The following KDM4C variants were observed in gnomAD, a reference collection of about 807,000 sequenced individuals.
KDM4C encodes lysine demethylase 4C.
KDM4C carries 81 observed loss-of-function variants against 129.3 expected under a neutral mutation model. The observed-to-expected ratio is 0.63, with a 90% CI of 0.52 to 0.75. The LOEUF is 0.75. KDM4C is among the 30% of genes least tolerant of loss of function. The pLI, the probability that KDM4C is intolerant of heterozygous loss-of-function variation, is 0.00. For missense variants in KDM4C, 1,457 were observed against 1,304.0 expected, an observed-to-expected ratio of 1.12 and a Z score of -1.81; for synonymous variants, 573 against 456.1, an observed-to-expected ratio of 1.26 and a Z score of -3.26.
intron 8 of KDM4C, among the ~76,000 whole-genome samples, chr9:6,976,126 G>A (rs1832874620): frequency 6.6e-6 from 1 of 152,162 alleles, no homozygotes; most frequent in South Asian, 2.1e-4. Context: ...ACAGATCTAT[G>A]TGATTATGAG....
intron 17 of KDM4C, chr9:7,077,019 C>T (rs1398037864): frequency 3.1e-5 from 31 of 985,482 alleles, no homozygotes; most frequent in East Asian, 1.1e-4. Context: ...TGAATCCTTC[C>T]TTCTTGCTGC....
At chr9:7,112,594 C>T (rs1838449006) in intron 18 of KDM4C, among the ~76,000 whole-genome samples, 1 of 152,214 alleles carries the variant, frequency 6.6e-6, no homozygotes, top group Non-Finnish European at 1.5e-5. Context: ...ATTTTGCCTA[C>T]TGTCACTTTC....
chr9:6,965,750 C>G (rs1830849623), intron 8 of KDM4C, among the ~76,000 whole-genome samples: 1 of 152,176 alleles, frequency 6.6e-6, no homozygotes, highest in South Asian at 2.1e-4. Context: ...GCCCTTTCAG[C>G]TTGTTAGATG....
chr9:6,885,906 A>C (rs1412375521), intron 6 of KDM4C, among the ~76,000 whole-genome samples: 1 of 152,354 alleles, frequency 6.6e-6, no homozygotes, highest in East Asian at 1.9e-4. Flanking sequence ...AATTTAGGTT[A>C]ACTTATGACC....
At chr9:7,031,829 G>T (rs1826835158) in intron 15 of KDM4C, among the ~76,000 whole-genome samples, 1 of 152,150 alleles carries the variant, frequency 6.6e-6, no homozygotes, top group Non-Finnish European at 1.5e-5. Flanking sequence ...TCATTTGTCT[G>T]CATAAATCAT....
chr9:7,016,649 C>T (rs537569482), intron 15 of KDM4C, among the ~76,000 whole-genome samples: 21 of 151,342 alleles, frequency 1.4e-4, no homozygotes, highest in Non-Finnish European at 2.7e-4. Flanking sequence ...TGGTCTTGAA[C>T]TCCTGACCTC....
intron 2 of KDM4C, 103 bp from the exon 3 acceptor site, chr9:6,805,496 A>G: frequency 1.5e-6 from 1 of 665,832 alleles, no homozygotes; most frequent in South Asian, 3.1e-5. Flanking sequence ...TTTGTCATAG[A>G]GATACTGAGA....
chr9:6,861,748 A>G (rs567993343), intron 5 of KDM4C, among the ~76,000 whole-genome samples: 95 of 152,074 alleles, frequency 6.2e-4, no homozygotes, highest in African/African-American at 2.2e-3. Context: ...TCATGCATAA[A>G]GTTACTTTAC....
intron 20 of KDM4C, among the ~76,000 whole-genome samples, chr9:7,166,286 A>T (rs991100388): frequency 2.0e-5 from 3 of 152,240 alleles, no homozygotes; most frequent in African/African-American, 7.2e-5. Flanking sequence ...GCAAGAGCTT[A>T]AATGGAAGAG....
chr9:6,954,607 G>T (rs1015876621), intron 8 of KDM4C, among the ~76,000 whole-genome samples: 1 of 152,142 alleles, frequency 6.6e-6, no homozygotes, highest in Non-Finnish European at 1.5e-5. Flanking sequence ...TAATGTGCAG[G>T]TTTCTGGAGT....
At chr9:7,141,800 T>A (rs1346405569) in intron 19 of KDM4C, among the ~76,000 whole-genome samples, 2 of 152,012 alleles carry the variant, frequency 1.3e-5, no homozygotes, top group Non-Finnish European at 2.9e-5. Context: ...TTATTAGGTT[T>A]TTTTTTTTTC....
At chr9:6,805,147 C>T (rs1229029066) in intron 2 of KDM4C, among the ~76,000 whole-genome samples, 1 of 152,184 alleles carries the variant, frequency 6.6e-6, no homozygotes, top group East Asian at 1.9e-4. Flanking sequence ...GATCCGCCTG[C>T]CTCGGCCTCC....
chr9:6,825,911 G>A (rs775906082), intron 4 of KDM4C, among the ~76,000 whole-genome samples: 2 of 152,116 alleles, frequency 1.3e-5, no homozygotes, highest in Non-Finnish European at 2.9e-5. Flanking sequence ...CCCAGGCTCA[G>A]GTGATCCTTC....
intron 18 of KDM4C, among the ~76,000 whole-genome samples, chr9:7,115,840 C>G (rs764521905): frequency 2.3e-4 from 35 of 152,212 alleles, no homozygotes; most frequent in Admixed American, 3.9e-4. Flanking sequence ...CATGTCCTTC[C>G]ATGGAATATT....
chr9:6,734,856 G>A (rs954736489), intron 1 of KDM4C: 37 of 528,024 alleles, frequency 7.0e-5, no homozygotes, highest in African/African-American at 5.8e-4. Flanking sequence ...TTACACAAAT[G>A]TTTTGTTTCT....
At chr9:7,118,024 T>G (rs781018007) in intron 18 of KDM4C, among the ~76,000 whole-genome samples, 2 of 152,206 alleles carry the variant, frequency 1.3e-5, no homozygotes, top group African/African-American at 4.8e-5. Context: ...AGGCAAAGAT[T>G]CTGCTATAGC....
chr9:6,795,641 G>A (rs777582116), intron 2 of KDM4C, among the ~76,000 whole-genome samples: 10 of 151,472 alleles, frequency 6.6e-5, no homozygotes, highest in Non-Finnish European at 1.2e-4. Context: ...CATGTATCTT[G>A]TTAAAGTTCA....
At chr9:7,069,805 A>G (rs1034254971) in intron 17 of KDM4C, among the ~76,000 whole-genome samples, 1 of 152,214 alleles carries the variant, frequency 6.6e-6, no homozygotes, top group Admixed American at 6.5e-5. Flanking sequence ...ATTGTGGTTT[A>G]TAGGACATGT....
intron 8 of KDM4C, among the ~76,000 whole-genome samples, chr9:6,979,750 C>T (rs1387983466): frequency 1.3e-5 from 2 of 152,124 alleles, no homozygotes; most frequent in Non-Finnish European, 2.9e-5. Context: ...GGCAGTGCAG[C>T]TGCAAGGATG....
Sources: gnomAD v4.1 joint callset for allele counts (sites outside exome capture counted in the v4.1 genomes callset) on GRCh38, gnomAD v4.1.1 for gene constraint, MANE v1.5 for transcripts, NCBI Gene and HGNC (gene_info 2026-07-23, HGNC 2026-07-21) for gene names.